Variants in ACTR3C observed in about 807,000 individuals in gnomAD.
ACTR3C encodes the protein actin-related protein 3C.
ACTR3C carries 18 observed loss-of-function variants against 26.3 expected under a neutral mutation model. The observed-to-expected ratio is 0.68, with a 90% CI of 0.47 to 1.01. ACTR3C has a LOEUF of 1.01. Ranked by LOEUF, ACTR3C falls within the 50% of genes least tolerant of loss-of-function variation. The pLI is 0.00. For missense variants in ACTR3C, 184 were observed against 250.7 expected (o/e 0.73, Z 1.80); for synonymous variants, 55 against 94.5 (o/e 0.58, Z 2.42).
At chr7:150,047,981 A>G in the ACTR3C span, 1 of 1,204,462 alleles carries the variant, frequency 8.3e-7, no homozygotes, top group South Asian at 1.9e-5. Context: ...GCAGCAAGGC[A>G]AGCCCAGCGC....
At chr7:150,102,816 G>A in the ACTR3C span, among the ~76,000 whole-genome samples, 1 of 151,838 alleles carries the variant, frequency 6.6e-6, no homozygotes, top group South Asian at 2.1e-4. Context: ...GCTGCCCAGT[G>A]CTTCTCTATT....
the ACTR3C span, among the ~76,000 whole-genome samples, chr7:150,102,934 T>C: frequency 6.6e-6 from 1 of 152,122 alleles, no homozygotes; most frequent in African/African-American, 2.4e-5. Flanking sequence ...AGTAGACGTC[T>C]AGGAGCTTTT....
chr7:150,005,003 G>A, the ACTR3C span: 1 of 152,200 alleles, frequency 6.6e-6, no homozygotes, highest in Non-Finnish European at 1.5e-5. Flanking sequence ...GTTAGACGCC[G>A]ATACTGTGCC....
At chr7:150,283,023 T>A (rs1308792171) in intron 6 of ACTR3C, among the ~76,000 whole-genome samples, 1 of 144,232 alleles carries the variant, frequency 6.9e-6, no homozygotes, top group South Asian at 2.2e-4. Context: ...TTTCGCCACC[T>A]TTTCCCAACT....
At chr7:150,034,813 TG>T in the ACTR3C span, among the ~76,000 whole-genome samples, 95 of 128,390 alleles carry the variant, frequency 7.4e-4, 2 homozygotes, top group African/African-American at 2.8e-3. Flanking sequence ...CCCCGCCTCG[TG>T]GGGGGTGCCT....
the ACTR3C span, among the ~76,000 whole-genome samples, chr7:150,135,867 AAAAGG>A: frequency 6.6e-6 from 1 of 151,852 alleles, no homozygotes. Context: ...AAGGAAAAGG[AAAAGG>A]AAAAGAAAAG....
At chr7:149,969,794 G>A in the ACTR3C span, among the ~76,000 whole-genome samples, 4 of 152,122 alleles carry the variant, frequency 2.6e-5, no homozygotes, top group Non-Finnish European at 5.9e-5. Flanking sequence ...CAAGGTTAGC[G>A]TTATGTTTAA....
chr7:150,123,825 C>T, the ACTR3C span, among the ~76,000 whole-genome samples: 1 of 152,204 alleles, frequency 6.6e-6, no homozygotes, highest in African/African-American at 2.4e-5. Flanking sequence ...CTACCGTGCA[C>T]AGCAGAGCAG....
At chr7:150,036,083 C>T in the ACTR3C span, among the ~76,000 whole-genome samples, 3 of 18,568 alleles carry the variant, frequency 1.6e-4, no homozygotes, top group South Asian at 1.3e-3. Context: ...AGGGGTGCTC[C>T]CCCCCCTGCG....
chr7:149,947,331 G>A, the ACTR3C span, among the ~76,000 whole-genome samples: 16 of 118,604 alleles, frequency 1.3e-4, no homozygotes, highest in Admixed American at 1.2e-3. Flanking sequence ...AAATGCTCTC[G>A]GTGGGGAGCC....
At chr7:150,111,406 C>T in the ACTR3C span, among the ~76,000 whole-genome samples, 2 of 101,390 alleles carry the variant, frequency 2.0e-5, no homozygotes, top group African/African-American at 5.0e-5. Context: ...GCCCTGTGTG[C>T]ACACGTGTGT....
At chr7:150,159,822 GGA>G in the ACTR3C span, among the ~76,000 whole-genome samples, 1 of 151,904 alleles carries the variant, frequency 6.6e-6, no homozygotes, top group African/African-American at 2.4e-5. Context: ...TTTTTGAGAT[GGA>G]GTCTCGCTCT....
chr7:150,226,426 T>G, the ACTR3C span, among the ~76,000 whole-genome samples: 2 of 152,068 alleles, frequency 1.3e-5, no homozygotes, highest in African/African-American at 4.8e-5. Flanking sequence ...CTCATTGCTT[T>G]TTGTTGTTGT....
At chr7:150,041,587 A>C in the ACTR3C span, 1 of 123,678 alleles carries the variant, frequency 8.1e-6, no homozygotes, top group Non-Finnish European at 1.6e-5. Flanking sequence ...CCTAAGAGCC[A>C]GTGGGGGAAC....
the ACTR3C span, chr7:150,001,070 G>A: frequency 1.3e-5 from 2 of 152,224 alleles, no homozygotes; most frequent in African/African-American, 4.8e-5. Context: ...GAGGTCTCAG[G>A]GACACGCCAA....
the ACTR3C span, among the ~76,000 whole-genome samples, chr7:150,046,144 G>A: frequency 6.6e-6 from 1 of 152,184 alleles, no homozygotes; most frequent in African/African-American, 2.4e-5. Flanking sequence ...AAAACCTCGT[G>A]CAAAATCTGA....
At chr7:150,276,266 A>G (rs567225869) in intron 6 of ACTR3C, among the ~76,000 whole-genome samples, 1 of 152,228 alleles carries the variant, frequency 6.6e-6, no homozygotes, top group Admixed American at 6.5e-5. Flanking sequence ...TCTTAACTCC[A>G]TTTAACAGAC....
chr7:150,205,377 C>T, the ACTR3C span, among the ~76,000 whole-genome samples: 7 of 152,242 alleles, frequency 4.6e-5, no homozygotes, highest in South Asian at 1.5e-3. Flanking sequence ...TACAAAGTAG[C>T]TCAAATAAAA....
At chr7:150,144,012 G>A in the ACTR3C span, among the ~76,000 whole-genome samples, 2 of 152,136 alleles carry the variant, frequency 1.3e-5, no homozygotes, top group African/African-American at 4.8e-5. The surrounding 1 kb of genome is among the most constrained non-coding windows in gnomAD (Gnocchi z 4.6). Context: ...CAAGACTGGA[G>A]AGCTTGCAAA....
Sources: allele counts gnomAD v4.1 joint callset (sites outside exome capture counted in the v4.1 genomes callset), GRCh38; gene constraint gnomAD v4.1.1; non-coding constraint Gnocchi (gnomAD v3.1); transcripts MANE v1.5; gene names NCBI Gene and HGNC (gene_info 2026-07-23, HGNC 2026-07-21).